TMEM266: variants seen among roughly 807,000 people sequenced by gnomAD.
The protein encoded by TMEM266 is Hv1 related protein 1.
TMEM266 carries 33 observed loss-of-function variants against 50.5 expected under a neutral mutation model. That is an observed-to-expected ratio of 0.65 (90% confidence interval 0.50 to 0.87). TMEM266 has a LOEUF of 0.87. Among genes scored for constraint, TMEM266 ranks in the 40% least tolerant of loss-of-function variants. TMEM266 has a pLI of 0.00. For synonymous variants in TMEM266, 310 were observed against 292.3 expected, an observed-to-expected ratio of 1.06 and a Z score of -0.62; for missense variants, 655 against 695.1, an observed-to-expected ratio of 0.94 and a Z score of 0.65.
At chr15:76,150,186 G>T (rs2037816898) in intron 3 of TMEM266, among the ~76,000 whole-genome samples, 1 of 152,282 alleles carries the variant, frequency 6.6e-6, no homozygotes, top group South Asian at 2.1e-4. Flanking sequence ...GTGCATTTGG[G>T]GGGTGTAAGG....
chr15:76,203,764 G>A lies in TMEM266; in HGVS notation c.1045G>A (p.Val349Met). ...AGACAGCGGTGTCCCAGAGCCAGCT[G>A]TGTGTATGGTCACCACGGCCGCAAT... Residue 349 changes from valine (V) to methionine (M), a missense_variant, in exon 11 of 11, where the codon GTG (valine) becomes ATG (methionine). Coordinates refer to ENST00000388942, the MANE Select transcript of TMEM266 (RefSeq NM_152335.3). 2 of 1,613,894 alleles carry A rather than the reference G, an allele frequency of 1.2e-6. No individual in the cohort carries two copies. The highest frequency in any genetic ancestry group is 1.7e-6 in the Non-Finnish European group (2 of 1,179,778).
chr15:76,144,823 G>A (rs2037733354), intron 3 of TMEM266, among the ~76,000 whole-genome samples: 1 of 152,156 alleles, frequency 6.6e-6, no homozygotes. Context: ...AGGGGAACAG[G>A]GGAGGTATCT....
At chr15:76,173,848 G>A (rs543574296) in intron 7 of TMEM266, among the ~76,000 whole-genome samples, 5 of 151,362 alleles carry the variant, frequency 3.3e-5, no homozygotes, top group East Asian at 2.0e-4. Context: ...CATGAGAATC[G>A]CTTGAACCCA....
intron 8 of TMEM266, among the ~76,000 whole-genome samples, chr15:76,180,356 C>T (rs1230282312): frequency 6.6e-6 from 1 of 152,092 alleles, no homozygotes; most frequent in Non-Finnish European, 1.5e-5. Flanking sequence ...TTGGGGAGCA[C>T]TGGTCGGGTG....
chr15:76,164,340 G>C (rs913214445), intron 5 of TMEM266, among the ~76,000 whole-genome samples: 1 of 152,060 alleles, frequency 6.6e-6, no homozygotes, highest in African/African-American at 2.4e-5. Context: ...CAAGTAGCTG[G>C]GATTACAGTC....
chr15:76,167,710 A>G (rs1267694816), intron 5 of TMEM266, among the ~76,000 whole-genome samples: 2 of 151,946 alleles, frequency 1.3e-5, no homozygotes, highest in African/African-American at 4.8e-5. Context: ...CCATTTGGCC[A>G]GGTTGGTCTT....
At chr15:76,150,010 A>G (rs763824387) in intron 3 of TMEM266, among the ~76,000 whole-genome samples, 8 of 152,246 alleles carry the variant, frequency 5.3e-5, no homozygotes, top group African/African-American at 7.2e-5. Context: ...CACCCAGGAC[A>G]CAGGTGTTCA....
Position 76,171,114 on chromosome 15 carries a change from T to C in TMEM266, c.635T>C (p.Val212Ala), listed in dbSNP as rs780024822. ...WRVKRVIDAYVLPVKLEMEMV... is the reference protein window; with the variant it reads ...WRVKRVIDAYALPVKLEMEMV... ...ATCATCATGCTCCGGATCTGGAGGG[T>C]GAAGAGGGTCATTGATGGTGAGTGG... The change falls in exon 7 of 11, where the codon GTG becomes GCG. Residue 212 changes from valine to alanine, a missense_variant. Val to Ala is a moderately conservative substitution (Grantham distance 64, BLOSUM62 0). Transcript: ENST00000388942. 4 of 1,613,404 alleles carry C rather than the reference T, an allele frequency of 2.5e-6. No individual in the cohort carries two copies. The highest frequency in any genetic ancestry group is 3.4e-6 in the Non-Finnish European group (4 of 1,179,720).
chr15:76,187,871 A>T (rs966500433), intron 8 of TMEM266, among the ~76,000 whole-genome samples: 1 of 152,302 alleles, frequency 6.6e-6, no homozygotes. Flanking sequence ...TGATTTGTTC[A>T]TGTATTCAGC....
intron 10 of TMEM266, among the ~76,000 whole-genome samples, 175 bp downstream of exon 10, chr15:76,202,439 T>A (rs2038763432): frequency 6.6e-6 from 1 of 152,220 alleles, no homozygotes. Flanking sequence ...ACTCCAGCAC[T>A]GGAGCTGGGG....
Position 76,139,833 on chromosome 15 carries a change from G to A in TMEM266, c.227+1938G>A, listed in dbSNP as rs2037650051. Among the ~76,000 whole-genome samples the A allele has an allele frequency of 6.6e-6, 1 of 152,234 alleles. No individual in the cohort carries two copies. The highest frequency in any genetic ancestry group is 1.5e-5 in the Non-Finnish European group (1 of 68,040). On this transcript the variant is annotated intron_variant, in intron 3 of 10. Transcript: ENST00000388942. This position sits in a 1 kb window ranked among gnomAD's most constrained non-coding sequence, Gnocchi z 4.1. ...AGGGATTCTGCTTCGGAGCAAAGCAGTGTCCACATGTGCCCCCTGTGCGTG... is the reference window on the plus strand; with the variant it reads ...AGGGATTCTGCTTCGGAGCAAAGCAATGTCCACATGTGCCCCCTGTGCGTG...
chr15:76,060,361 G>C (rs1361255689), intron 1 of TMEM266, among the ~76,000 whole-genome samples: 3 of 140,304 alleles, frequency 2.1e-5, no homozygotes, highest in Non-Finnish European at 4.4e-5. Context: ...GCAAGCTGGA[G>C]GGGGGGGTTG....
chr15:76,121,792 A>G (rs2037350974), intron 1 of TMEM266, among the ~76,000 whole-genome samples: 1 of 152,208 alleles, frequency 6.6e-6, no homozygotes, highest in Non-Finnish European at 1.5e-5. Context: ...TTAGTTAATC[A>G]TTAGTTACAG....
intron 3 of TMEM266, among the ~76,000 whole-genome samples, chr15:76,152,631 A>C (rs142530032): frequency 6.6e-6 from 1 of 152,270 alleles, no homozygotes; most frequent in African/African-American, 2.4e-5. Flanking sequence ...GTCCCTATTT[A>C]GTGTACATTT....
rs114455345 is a variant in TMEM266, at chr15:76,078,842, C to T, written c.-97+18826C>T. 1.6e-3 allele frequency among the ~76,000 whole-genome samples: 242 copies of T among 152,308 alleles called. 1 individual carries two copies. Among genetic ancestry groups the T allele is most frequent in the African/African-American group, 5.4e-3 (225 of 41,562 alleles). Reference sequence around the variant, plus strand: ...TTTATTCTCTCACAGTTCTGGAGGACAGAAGTCCAATATCAAGGTGCTGGC... The same window carrying T: ...TTTATTCTCTCACAGTTCTGGAGGATAGAAGTCCAATATCAAGGTGCTGGC... On this transcript the variant is annotated intron_variant, in intron 1 of 10. Transcript: ENST00000388942.
At chr15:76,151,644 T>G (rs1406507512) in intron 3 of TMEM266, among the ~76,000 whole-genome samples, 1 of 152,154 alleles carries the variant, frequency 6.6e-6, no homozygotes, top group African/African-American at 2.4e-5. Flanking sequence ...CTGGCTTGCC[T>G]TCTTTGTCTC....
At chr15:76,192,205 C>T in intron 9 of TMEM266, 48 bp downstream of exon 9, 2 of 1,381,588 alleles carry the variant, frequency 1.4e-6, no homozygotes, top group South Asian at 1.6e-5. Flanking sequence ...GCCGGGGATC[C>T]CCCTCGCCTC....
chr15:76,187,746 C>T (rs769178485), intron 8 of TMEM266, among the ~76,000 whole-genome samples: 1 of 152,208 alleles, frequency 6.6e-6, no homozygotes, highest in Non-Finnish European at 1.5e-5. Flanking sequence ...GCATAGCCAG[C>T]ATGAGGCCTC....
chr15:76,156,068 C>T (rs564658334), intron 3 of TMEM266, among the ~76,000 whole-genome samples: 10 of 152,300 alleles, frequency 6.6e-5, no homozygotes, highest in African/African-American at 2.4e-4. Flanking sequence ...TGCAGGTTTG[C>T]ATATAAGCCC....
Sources: allele counts gnomAD v4.1 joint callset (sites outside exome capture counted in the v4.1 genomes callset), GRCh38; gene constraint gnomAD v4.1.1; non-coding constraint Gnocchi (gnomAD v3.1); transcripts MANE v1.5; gene names NCBI Gene and HGNC (gene_info 2026-07-23, HGNC 2026-07-21).